Variants in CATSPERD observed in about 807,000 individuals in gnomAD.
CATSPERD encodes the protein cation channel sperm-associated auxiliary subunit delta.
A neutral mutation model predicts 98.1 loss-of-function variants in CATSPERD; 86 were observed. The observed-to-expected ratio is 0.88, with a 90% CI of 0.74 to 1.05. CATSPERD has a LOEUF of 1.05. Ranked by LOEUF, CATSPERD falls within the 50% of genes least tolerant of loss-of-function variation. The probability of loss-of-function intolerance (pLI) is 0.00; values close to 1 mark genes in which losing one functional copy is unlikely to be tolerated. For synonymous variants in CATSPERD, 394 were observed against 390.2 expected (o/e 1.01, Z -0.12); for missense variants, 995 against 1,005.7 (o/e 0.99, Z 0.14).
chr19:5,746,002 C>T lies in CATSPERD; in HGVS notation c.747C>T (p.Pro249=), dbSNP rs570335771. ...GGACTCTAGACATCCTCATCGCCCC[C>T]GGCCAGAGAGGCATCCTGCTCCTAT... is the stretch of plus-strand genomic sequence containing the variant. ...YNGTLDILIA[P]GQRGILLLWF... is the part of the protein sequence containing the mutation. Residue 249 remains proline (P), a synonymous_variant, in exon 9 of 22, where the codon CCC becomes CCT. Coordinates refer to ENST00000381624, the MANE Select transcript of CATSPERD (RefSeq NM_152784.4). 2.8e-5 allele frequency: 46 copies of T among 1,614,120 alleles called. No individual in the cohort carries two copies. In the African/African-American group the frequency reaches 3.2e-4, roughly 11 times the overall value.
At chr19:5,753,356 C>G (rs961770580) in intron 12 of CATSPERD, among the ~76,000 whole-genome samples, 2 of 151,574 alleles carry the variant, frequency 1.3e-5, no homozygotes, top group Non-Finnish European at 2.9e-5. Flanking sequence ...GTCAGGAGAT[C>G]GAGACCTTCC....
At chr19:5,750,214 C>T (rs1424188260) in intron 11 of CATSPERD, among the ~76,000 whole-genome samples, 1 of 147,324 alleles carries the variant, frequency 6.8e-6, no homozygotes, top group Non-Finnish European at 1.5e-5. Context: ...CTTGGGTGGC[C>T]AAGGTGGGCG....
chr19:5,748,771 AC>A (rs1321819521), intron 10 of CATSPERD, among the ~76,000 whole-genome samples: 4 of 67,180 alleles, frequency 6.0e-5, no homozygotes, highest in African/African-American at 2.3e-4. Flanking sequence ...CAATCTTGTT[AC>A]CCAGGCTGGA....
intron 8 of CATSPERD, 96 bp downstream of exon 8, chr19:5,744,606 T>C (rs547576324): frequency 4.9e-6 from 4 of 817,258 alleles, no homozygotes; most frequent in Non-Finnish European, 7.4e-6. Context: ...TATTTATTTA[T>C]TTAATTTTTT....
chr19:5,761,822 C>T lies in CATSPERD; in HGVS notation c.1428-1393C>T, dbSNP rs184592916. On this transcript the variant is annotated intron_variant, in intron 15 of 21. Coordinates refer to ENST00000381624, the MANE Select transcript of CATSPERD (RefSeq NM_152784.4). ...GGTTCAAGCGGTTCTCCTGCCTCAG[C>T]CTCCCAAGTAGCTGGGACTATAGTT... Among the ~76,000 whole-genome samples the T allele has an allele frequency of 1.9e-3, 291 of 151,530 alleles. 1 individual carries two copies. Among genetic ancestry groups the T allele is most frequent in the African/African-American group, 6.8e-3 (280 of 41,370 alleles).
At chr19:5,761,654 GAAGA>G (rs2056437071) in intron 15 of CATSPERD, among the ~76,000 whole-genome samples, 1 of 11,864 alleles carries the variant, frequency 8.4e-5, no homozygotes, top group Non-Finnish European at 2.6e-4. Flanking sequence ...CATGGCGGCA[GAAGA>G]GAGAGAGAGA....
chr19:5,734,121 G>A (rs919260646), intron 5 of CATSPERD, 151 bp downstream of exon 5: 7 of 579,120 alleles, frequency 1.2e-5, no homozygotes, highest in African/African-American at 1.1e-4. Context: ...AAATTGGCCT[G>A]AGTCCCCATC....
intron 12 of CATSPERD, 78 bp from the exon 13 acceptor site, chr19:5,754,053 CT>C: frequency 1.1e-6 from 1 of 946,856 alleles, no homozygotes; most frequent in Non-Finnish European, 1.7e-6. Flanking sequence ...AGGAGGGTCC[CT>C]TCCTCCTTCC....
rs935180674 is a variant in CATSPERD at position 5,731,650 on chromosome 19, A to C, written c.276+1706A>C. On this transcript the variant is annotated intron_variant, in intron 4 of 21. Coordinates refer to ENST00000381624, the MANE Select transcript of CATSPERD (RefSeq NM_152784.4). ...GACTGCAGTGGCGCAATCTCGGCTC[A>C]CTGCAAGCTCCGCTTCCCGGGTTCA... 1.0e-4 allele frequency among the ~76,000 whole-genome samples: 13 copies of C among 124,410 alleles called. No homozygotes were observed. In the East Asian group the frequency reaches 3.3e-3, roughly 31 times the overall value. The allele number at this position is 124,410 out of a possible 152,430, so 81.6% of individuals were successfully genotyped here.
At chr19:5,754,395 T>A in intron 13 of CATSPERD, 150 bp downstream of exon 13, 3 of 294,572 alleles carry the variant, frequency 1.0e-5, no homozygotes, top group East Asian at 1.3e-4. Flanking sequence ...CTCTGTGTCT[T>A]TTTTTTTTTT....
Position 5,763,236 on chromosome 19 carries a change from T to C in CATSPERD, c.1449T>C (p.Ser483=), listed in dbSNP as rs1474142604. 2 of 1,614,048 alleles carry C rather than the reference T, an allele frequency of 1.2e-6. No individual in the cohort carries two copies. The highest frequency in any genetic ancestry group is 1.7e-6 in the Non-Finnish European group (2 of 1,180,014). The change falls in exon 16 of 22, where the codon TCT becomes TCC. Residue 483 remains serine, a synonymous_variant. Transcript: ENST00000381624. ...GCAGTTTAAAGAAAGCCACCATGTC[T>C]ACCTTAACTGTGGACATAGCAAACA... The part of the protein sequence containing the change: ...FTSSLKKATM[S]TLTVDIANKE...
chr19:5,728,038 C>CAAA (rs56411287), intron 3 of CATSPERD, among the ~76,000 whole-genome samples: 42,768 of 127,830 alleles, frequency 0.33, 7,366 homozygotes, highest in Non-Finnish European at 0.41. Context: ...CCAGTATCTA[C>CAAA]AAAAAAAAAA....
chr19:5,775,056 G>A lies in CATSPERD; in HGVS notation c.1942-1105G>A, dbSNP rs748801740. 2.0e-5 allele frequency among the ~76,000 whole-genome samples: 3 copies of A among 152,086 alleles called. No homozygotes were observed. In the South Asian group the frequency reaches 6.2e-4, roughly 32 times the overall value. ...ATTGGAAGCGCCTGACTCTCACCCA[G>A]GCTAAGTTATTAAGCCTCCAGCCTC... On this transcript the variant is annotated intron_variant, in intron 20 of 21. Coordinates refer to ENST00000381624, the MANE Select transcript of CATSPERD (RefSeq NM_152784.4).
intron 4 of CATSPERD, among the ~76,000 whole-genome samples, chr19:5,732,512 A>G (rs1354736949): frequency 2.0e-5 from 3 of 151,596 alleles, no homozygotes; most frequent in African/African-American, 7.3e-5. Flanking sequence ...AGCTCACTGC[A>G]ACCTCCACCT....
At chr19:5,772,528 C>T (rs540204510) in intron 19 of CATSPERD, 26 of 437,994 alleles carry the variant, frequency 5.9e-5, no homozygotes, top group Admixed American at 3.6e-4. Context: ...CGCCTAGCTC[C>T]GAGCAGACTT....
At chr19:5,763,388 C>T in intron 16 of CATSPERD, 95 bp downstream of exon 16, 4 of 896,808 alleles carry the variant, frequency 4.5e-6, no homozygotes, top group East Asian at 2.5e-5. Context: ...GAGATAGTGC[C>T]ACTGCACTCC....
chr19:5,754,017 C>T (rs909976180), intron 12 of CATSPERD, 115 bp from the exon 13 acceptor site: 2 of 719,584 alleles, frequency 2.8e-6, no homozygotes, highest in African/African-American at 1.7e-5. Context: ...GACAGAGGCA[C>T]AAGTGGAGAT....
At chr19:5,756,166 C>T (rs1039648439) in intron 13 of CATSPERD, among the ~76,000 whole-genome samples, 2 of 151,068 alleles carry the variant, frequency 1.3e-5, no homozygotes, top group Non-Finnish European at 3.0e-5. Flanking sequence ...CTGTAATCCC[C>T]GCTACTCAGG....
intron 4 of CATSPERD, 137 bp downstream of exon 4, chr19:5,730,081 AG>A (rs2145691481): frequency 1.9e-6 from 1 of 539,684 alleles, no homozygotes; most frequent in African/African-American, 1.9e-5. Flanking sequence ...CAAGACATTA[AG>A]GGCAATTTCT....
Sources: allele counts gnomAD v4.1 joint callset (sites outside exome capture counted in the v4.1 genomes callset), GRCh38; gene constraint gnomAD v4.1.1; transcripts MANE v1.5; gene names NCBI Gene and HGNC (gene_info 2026-07-23, HGNC 2026-07-21).